Variants in GSG1L observed in about 807,000 individuals in gnomAD.
The protein encoded by GSG1L is GSG1 like, also known as germ cell-specific gene 1-like protein.
In GSG1L, 24 loss-of-function variants were observed where a neutral mutation model predicts 42.1. That is an observed-to-expected ratio of 0.57 (90% confidence interval 0.41 to 0.80). The LOEUF (loss-of-function observed/expected upper bound fraction) is 0.80. Among genes scored for constraint, GSG1L ranks in the 30% least tolerant of loss-of-function variants. The pLI is 0.00. For missense variants in GSG1L, 445 were observed against 472.2 expected, an observed-to-expected ratio of 0.94 and a Z score of 0.53; for synonymous variants, 215 against 203.5, an observed-to-expected ratio of 1.06 and a Z score of -0.48.
chr16:27,865,564 TATATATATACACACAC>T (rs2083709647), intron 3 of GSG1L, among the ~76,000 whole-genome samples: 1 of 19,624 alleles, frequency 5.1e-5, no homozygotes, highest in African/African-American at 4.2e-4. Flanking sequence ...TATATATATA[TATATATATACACACAC>T]ACATACATAC....
intron 6 of GSG1L, among the ~76,000 whole-genome samples, chr16:27,798,041 A>T (rs2082840346): frequency 6.6e-6 from 1 of 152,096 alleles, no homozygotes; most frequent in Non-Finnish European, 1.5e-5. Flanking sequence ...GGAGGATGGG[A>T]GTGGGGTAAG....
chr16:27,849,222 A>AG (rs1567485111), intron 3 of GSG1L, among the ~76,000 whole-genome samples: 2 of 146,382 alleles, frequency 1.4e-5, no homozygotes, highest in African/African-American at 2.5e-5. Flanking sequence ...AAAAAAAAAA[A>AG]AGAGAAAAGA....
intron 2 of GSG1L, among the ~76,000 whole-genome samples, chr16:27,911,295 C>G (rs996784163): frequency 7.7e-6 from 1 of 129,494 alleles, no homozygotes; most frequent in African/African-American, 3.5e-5. Context: ...CTCTCTCTCT[C>G]CTCTCTCTCT....
chr16:28,045,826 C>G (rs2086152979), intron 1 of GSG1L, among the ~76,000 whole-genome samples: 2 of 151,912 alleles, frequency 1.3e-5, no homozygotes, highest in Non-Finnish European at 2.9e-5. Context: ...TGAAACTCCA[C>G]CTCTACTCAA....
At chr16:27,792,282 T>C (rs1336706792) in intron 6 of GSG1L, among the ~76,000 whole-genome samples, 4 of 152,172 alleles carry the variant, frequency 2.6e-5, no homozygotes, top group African/African-American at 9.7e-5. Flanking sequence ...AGAAACTGTG[T>C]GTGTGGACAT....
intron 1 of GSG1L, among the ~76,000 whole-genome samples, chr16:27,973,533 C>T (rs911155538): frequency 7.1e-5 from 10 of 140,176 alleles, no homozygotes; most frequent in Admixed American, 2.3e-4. Flanking sequence ...TCAGAGGAAA[C>T]ATGAGACACG....
At chr16:28,061,245 C>A (rs537572403) in intron 1 of GSG1L, among the ~76,000 whole-genome samples, 2 of 152,170 alleles carry the variant, frequency 1.3e-5, no homozygotes, top group African/African-American at 4.8e-5. Flanking sequence ...ACGAGGCCTC[C>A]GTGTGAGAGA....
intron 1 of GSG1L, among the ~76,000 whole-genome samples, chr16:28,029,500 G>A (rs533655357): frequency 4.0e-4 from 60 of 151,120 alleles, no homozygotes; most frequent in African/African-American, 1.4e-3. Flanking sequence ...AAAATGGATG[G>A]CTGAATGTGT....
intron 1 of GSG1L, among the ~76,000 whole-genome samples, chr16:27,991,213 T>C (rs1310806402): frequency 6.6e-6 from 1 of 152,214 alleles, no homozygotes; most frequent in Non-Finnish European, 1.5e-5. Context: ...TGCCTACAAT[T>C]TGGACTGAAT....
At chr16:27,993,964 T>C (rs2085485185) in intron 1 of GSG1L, among the ~76,000 whole-genome samples, 1 of 152,202 alleles carries the variant, frequency 6.6e-6, no homozygotes, top group African/African-American at 2.4e-5. Context: ...CACCCAGGCC[T>C]CATCCATTTC....
At chr16:27,964,736 T>C (rs557721177) in intron 1 of GSG1L, among the ~76,000 whole-genome samples, 120 of 152,120 alleles carry the variant, frequency 7.9e-4, no homozygotes, top group Non-Finnish European at 1.6e-3. Context: ...ATTGAATTCA[T>C]GGACATAGAG....
intron 5 of GSG1L, among the ~76,000 whole-genome samples, chr16:27,813,104 A>T (rs890497551): frequency 2.0e-5 from 3 of 152,080 alleles, no homozygotes; most frequent in African/African-American, 4.8e-5. Flanking sequence ...TTTAACTTGC[A>T]TTTTAGATTC....
chr16:27,803,800 G>GATAGATAGATATATAGATATAGAT (rs2082917570), intron 6 of GSG1L, among the ~76,000 whole-genome samples: 3 of 74,246 alleles, frequency 4.0e-5, no homozygotes, highest in African/African-American at 1.6e-4. Flanking sequence ...TATATAGATA[G>GATAGATAGATATATAGATATAGAT]ATAGATATAG....
chr16:28,034,252 CCCATCCCATCCCATCCCA>C (rs2086005610), intron 1 of GSG1L, among the ~76,000 whole-genome samples: 2 of 131,208 alleles, frequency 1.5e-5, no homozygotes, highest in Non-Finnish European at 3.3e-5. Context: ...CCCATCCCAT[CCCATCCCATCCCATCCCA>C]TCCCATTCCA....
intron 1 of GSG1L, among the ~76,000 whole-genome samples, chr16:28,018,597 C>G (rs1170521587): frequency 6.6e-6 from 1 of 152,152 alleles, no homozygotes; most frequent in Non-Finnish European, 1.5e-5. Context: ...AGTAGCTTCC[C>G]TTTTCAGTCT....
chr16:27,975,411 G>A lies in GSG1L; in HGVS notation c.350-12208C>T, dbSNP rs115066272. Among the ~76,000 whole-genome samples, 1,155 of 152,050 alleles carry A rather than the reference G, an allele frequency of 7.6e-3. 14 individuals are homozygous for A. The highest frequency in any genetic ancestry group is 0.026 in the African/African-American group (1,073 of 41,466). ...AAGGTGGTCCCCACCCCTCCTCACC[G>A]CATCATGCTTATTCCTGCACCTGCG... On this transcript the variant is annotated intron_variant, in intron 1 of 6. Coordinates refer to ENST00000447459, the MANE Select transcript of GSG1L (RefSeq NM_001109763.2).
At chr16:27,793,011 G>A (rs368245330) in intron 6 of GSG1L, among the ~76,000 whole-genome samples, 26 of 152,310 alleles carry the variant, frequency 1.7e-4, no homozygotes, top group Admixed American at 5.9e-4. Context: ...AATGTGATCC[G>A]TATAATTTCA....
chr16:28,028,660 A>C (rs1233516127), intron 1 of GSG1L, among the ~76,000 whole-genome samples: 2 of 152,088 alleles, frequency 1.3e-5, no homozygotes, highest in Non-Finnish European at 2.9e-5. Flanking sequence ...CATTAATACC[A>C]AGGAGAAAGT....
intron 2 of GSG1L, among the ~76,000 whole-genome samples, chr16:27,937,840 A>G (rs2084736108): frequency 6.6e-6 from 1 of 152,080 alleles, no homozygotes; most frequent in African/African-American, 2.4e-5. Flanking sequence ...AGAACATGAG[A>G]TGGGGACTCC....
Sources: gnomAD v4.1 joint callset for allele counts (sites outside exome capture counted in the v4.1 genomes callset) on GRCh38, gnomAD v4.1.1 for gene constraint, MANE v1.5 for transcripts, NCBI Gene and HGNC (gene_info 2026-07-23, HGNC 2026-07-21) for gene names.